The following STK32B variants were observed in gnomAD, a reference collection of about 807,000 sequenced individuals.
The protein encoded by STK32B is serine/threonine-protein kinase 32B.
In STK32B, 43 loss-of-function variants were observed where a neutral mutation model predicts 52.6. The ratio of observed to expected loss-of-function variants is 0.82; its 90% CI spans 0.64 to 1.05. The LOEUF (loss-of-function observed/expected upper bound fraction) is 1.05. Among genes scored for constraint, STK32B ranks in the 50% least tolerant of loss-of-function variants. STK32B has a pLI of 0.00. For missense variants in STK32B, 621 were observed against 534.6 expected, an observed-to-expected ratio of 1.16 and a Z score of -1.59; for synonymous variants, 238 against 204.3, an observed-to-expected ratio of 1.17 and a Z score of -1.41.
At chr4:5,242,375 C>A (rs148375825) in intron 3 of STK32B, among the ~76,000 whole-genome samples, 9,255 of 152,242 alleles carry the variant, frequency 0.061, 422 homozygotes, top group African/African-American at 0.13. Context: ...TAAATGTCTT[C>A]TTTTGAGAAG....
At chr4:5,088,422 A>G (rs529096895) in intron 1 of STK32B, among the ~76,000 whole-genome samples, 1 of 152,242 alleles carries the variant, frequency 6.6e-6, no homozygotes, top group South Asian at 2.1e-4. Flanking sequence ...TGTAATCAAT[A>G]ATAATTATAT....
chr4:5,424,463 A>G (rs1448151745), intron 6 of STK32B, among the ~76,000 whole-genome samples: 1 of 152,158 alleles, frequency 6.6e-6, no homozygotes, highest in Non-Finnish European at 1.5e-5. Flanking sequence ...TAATCAGCAC[A>G]TACTTCCTCC....
At chr4:5,121,848 CAGG>C (rs1021501384) in intron 1 of STK32B, among the ~76,000 whole-genome samples, 3 of 152,140 alleles carry the variant, frequency 2.0e-5, no homozygotes, top group African/African-American at 7.2e-5. Context: ...TCATCCTGTT[CAGG>C]AGACTTGTCC....
At chr4:5,353,663 GA>G (rs1342905236) in intron 4 of STK32B, among the ~76,000 whole-genome samples, 4 of 152,028 alleles carry the variant, frequency 2.6e-5, no homozygotes, top group Non-Finnish European at 5.9e-5. Flanking sequence ...AATCATCAGG[GA>G]AATGAAAATC....
chr4:5,021,109 C>T, the STK32B span, among the ~76,000 whole-genome samples: 2 of 152,208 alleles, frequency 1.3e-5, no homozygotes, highest in African/African-American at 2.4e-5. Context: ...GGGATGAAGC[C>T]CGGCTCCAGC....
chr4:5,336,608 G>A (rs1431907622), intron 4 of STK32B, among the ~76,000 whole-genome samples: 1 of 152,078 alleles, frequency 6.6e-6, no homozygotes, highest in Non-Finnish European at 1.5e-5. Context: ...AATCAAAATT[G>A]TGAAAGCAGA....
intron 3 of STK32B, among the ~76,000 whole-genome samples, chr4:5,199,662 T>A (rs1214323703): frequency 6.6e-6 from 1 of 152,206 alleles, no homozygotes; most frequent in East Asian, 1.9e-4. Context: ...CACTTTGTGC[T>A]TCATAAACTC....
chr4:5,107,416 C>T (rs959076221), intron 1 of STK32B, among the ~76,000 whole-genome samples: 9 of 152,182 alleles, frequency 5.9e-5, no homozygotes, highest in Admixed American at 1.3e-4. Context: ...CCCCTTCCCC[C>T]GTCTGTGGAA....
rs1225168262 is a variant in STK32B at position 5,101,587 on chromosome 4, G to C, written c.53-38318G>C. Among the ~76,000 whole-genome samples, 5 of 152,112 alleles carry C rather than the reference G, an allele frequency of 3.3e-5. No homozygotes were observed. In the South Asian group the frequency reaches 8.3e-4, roughly 25 times the overall value. On this transcript the variant is annotated intron_variant, in intron 1 of 11. Transcript: ENST00000282908. ...CTTTATCATTTTTTCTGATACAATAGAAATTTTATCCCATCTTGTACCCCA... is the reference window on the plus strand; with the variant it reads ...CTTTATCATTTTTTCTGATACAATACAAATTTTATCCCATCTTGTACCCCA...
At chr4:5,244,439 T>C (rs1725294035) in intron 3 of STK32B, among the ~76,000 whole-genome samples, 1 of 152,214 alleles carries the variant, frequency 6.6e-6, no homozygotes, top group South Asian at 2.1e-4. Flanking sequence ...TTGTCATTTT[T>C]TATTGCATCT....
intron 2 of STK32B, among the ~76,000 whole-genome samples, chr4:5,159,413 C>T (rs962635593): frequency 2.0e-5 from 3 of 149,734 alleles, no homozygotes; most frequent in African/African-American, 7.4e-5. Flanking sequence ...ATGTTTTACT[C>T]GAGGTTCTCT....
Position 5,174,460 on chromosome 4 carries a change from T to C in STK32B, c.260+6010T>C, listed in dbSNP as rs192675378. On this transcript the variant is annotated intron_variant, in intron 3 of 11. Coordinates refer to ENST00000282908, the MANE Select transcript of STK32B (RefSeq NM_018401.3). ...GATACCGGTTGTTCTTTTCCATGTT[T>C]AGTGCTTCCTTCAGGAGCTCTTTTA... Among the ~76,000 whole-genome samples, 120 of 152,342 alleles carry C rather than the reference T, an allele frequency of 7.9e-4. 1 individual carries two copies. The highest frequency in any genetic ancestry group is 2.4e-3 in the African/African-American group (98 of 41,580).
In STK32B at chr4:5,408,403, G is replaced by T. The variant is rs142194144; in HGVS notation, c.473-8442G>T. ...TCCTCCTGCTCCATCCATGTGACTT[G>T]TCTGCCTCCCCTTCGCCTTTCACCA... On this transcript the variant is annotated intron_variant, in intron 5 of 11. Coordinates refer to ENST00000282908, the MANE Select transcript of STK32B (RefSeq NM_018401.3). Among the ~76,000 whole-genome samples the T allele has an allele frequency of 5.2e-4, 79 of 152,158 alleles. 1 individual carries two copies. Among genetic ancestry groups the T allele is most frequent in the Non-Finnish European group, 1.0e-3 (69 of 68,010 alleles).
At chr4:5,323,800 A>T (rs1308354170) in intron 3 of STK32B, among the ~76,000 whole-genome samples, 1 of 152,114 alleles carries the variant, frequency 6.6e-6, no homozygotes. Flanking sequence ...CTGCACTCAG[A>T]GTTCACTGGC....
At chr4:5,320,206 A>G (rs1401314521) in intron 3 of STK32B, among the ~76,000 whole-genome samples, 3 of 152,054 alleles carry the variant, frequency 2.0e-5, no homozygotes, top group Non-Finnish European at 4.4e-5. Flanking sequence ...GAGCACCTTG[A>G]GTAGAGCGGC....
intron 3 of STK32B, among the ~76,000 whole-genome samples, chr4:5,274,243 A>G (rs1727652311): frequency 1.3e-5 from 2 of 152,240 alleles, no homozygotes; most frequent in South Asian, 4.1e-4. Context: ...TATTATAAAT[A>G]CACAGTAATC....
chr4:5,304,102 C>A (rs1023774566), intron 3 of STK32B, among the ~76,000 whole-genome samples: 2 of 152,100 alleles, frequency 1.3e-5, no homozygotes, highest in Non-Finnish European at 2.9e-5. Context: ...AGTATGAAGT[C>A]AGATAATGCA....
At chr4:5,129,551 C>G (rs1385788052) in intron 1 of STK32B, among the ~76,000 whole-genome samples, 2 of 152,156 alleles carry the variant, frequency 1.3e-5, no homozygotes, top group Non-Finnish European at 2.9e-5. Flanking sequence ...GAACATTTGA[C>G]CTATTCTCAC....
intron 3 of STK32B, among the ~76,000 whole-genome samples, chr4:5,187,627 G>GGGCGGGGGGGGGGAGGA (rs1720850758): frequency 3.2e-4 from 46 of 141,692 alleles, no homozygotes; most frequent in Admixed American, 1.0e-3. Flanking sequence ...GCGGGGGAGG[G>GGGCGGGGGGGGGGAGGA]GGGGGACAAG....
Sources: gnomAD v4.1 joint callset for allele counts (sites outside exome capture counted in the v4.1 genomes callset) on GRCh38, gnomAD v4.1.1 for gene constraint, MANE v1.5 for transcripts, NCBI Gene and HGNC (gene_info 2026-07-23, HGNC 2026-07-21) for gene names.